The following MACROD2 variants were observed in gnomAD, a reference collection of about 807,000 sequenced individuals.
MACROD2 encodes the protein mono-ADP ribosylhydrolase 2.
Under a neutral mutation model 70.4 loss-of-function variants are expected in MACROD2, and 36 were observed. That is an observed-to-expected ratio of 0.51 (90% confidence interval 0.39 to 0.68). The LOEUF is 0.68. Ranked by LOEUF, MACROD2 falls within the 30% of genes least tolerant of loss-of-function variation. The pLI is 0.00. For missense variants in MACROD2, 496 were observed against 538.4 expected, an observed-to-expected ratio of 0.92 and a Z score of 0.78; for synonymous variants, 172 against 178.8, an observed-to-expected ratio of 0.96 and a Z score of 0.30.
intron 8 of MACROD2, among the ~76,000 whole-genome samples, chr20:15,712,457 C>A (rs1405548671): frequency 6.6e-6 from 1 of 152,190 alleles, no homozygotes; most frequent in Non-Finnish European, 1.5e-5. Flanking sequence ...TCCCCCACCA[C>A]TACTAATTTT....
intron 5 of MACROD2, among the ~76,000 whole-genome samples, chr20:14,891,232 A>C (rs1290717926): frequency 6.6e-6 from 1 of 152,042 alleles, no homozygotes; most frequent in Non-Finnish European, 1.5e-5. Flanking sequence ...ACTGGCATGA[A>C]TTTTAATTAT....
chr20:15,099,188 A>G (rs1332526162), intron 5 of MACROD2, among the ~76,000 whole-genome samples: 1 of 152,188 alleles, frequency 6.6e-6, no homozygotes, highest in Admixed American at 6.5e-5. Context: ...TTAGTTAACA[A>G]AGGTATATAC....
intron 4 of MACROD2, among the ~76,000 whole-genome samples, chr20:14,510,930 A>G (rs1234920245): frequency 6.6e-6 from 1 of 152,124 alleles, no homozygotes; most frequent in Non-Finnish European, 1.5e-5. Flanking sequence ...AGGTGGATGC[A>G]GGGAGTGGGT....
chr20:15,947,812 T>G (rs187007017), intron 12 of MACROD2, among the ~76,000 whole-genome samples: 4 of 152,306 alleles, frequency 2.6e-5, no homozygotes, highest in Non-Finnish European at 5.9e-5. Flanking sequence ...AATTAGAGAC[T>G]TCACATGACT....
chr20:14,822,094 A>G (rs1362799351), intron 5 of MACROD2, among the ~76,000 whole-genome samples: 1 of 152,134 alleles, frequency 6.6e-6, no homozygotes. Flanking sequence ...TCTTGAAGGC[A>G]TGAGTACCAT....
intron 6 of MACROD2, among the ~76,000 whole-genome samples, chr20:15,308,734 T>A (rs566768921): frequency 2.6e-5 from 4 of 152,258 alleles, no homozygotes; most frequent in South Asian, 2.1e-4. Flanking sequence ...ATTCAGCACT[T>A]CTTGGCTACA....
chr20:14,288,925 A>G (rs959184032), intron 3 of MACROD2, among the ~76,000 whole-genome samples: 3 of 152,092 alleles, frequency 2.0e-5, no homozygotes, highest in Admixed American at 6.5e-5. Flanking sequence ...AAGGAGAAAC[A>G]GACTTTACCT....
intron 5 of MACROD2, among the ~76,000 whole-genome samples, chr20:15,113,133 C>G (rs184487690): frequency 2.6e-4 from 39 of 152,260 alleles, no homozygotes; most frequent in African/African-American, 8.9e-4. Flanking sequence ...AGTATATGCC[C>G]AGAAGTGGAA....
intron 5 of MACROD2, among the ~76,000 whole-genome samples, chr20:14,938,293 G>A (rs1031749306): frequency 2.0e-5 from 3 of 151,934 alleles, no homozygotes; most frequent in Non-Finnish European, 4.4e-5. Flanking sequence ...TGGCTGTACC[G>A]ATTTACATTT....
At chr20:14,734,117 CAA>C (rs756845408) in intron 5 of MACROD2, among the ~76,000 whole-genome samples, 7 of 152,188 alleles carry the variant, frequency 4.6e-5, no homozygotes, top group Non-Finnish European at 1.0e-4. Flanking sequence ...TAAAAACCGT[CAA>C]AGAGTCTGAA....
chr20:14,590,826 A>G (rs920200226), intron 4 of MACROD2, among the ~76,000 whole-genome samples: 34 of 152,296 alleles, frequency 2.2e-4, no homozygotes, highest in African/African-American at 7.2e-4. Flanking sequence ...GCCTTGTGTG[A>G]TCCTAAAACA....
intron 4 of MACROD2, among the ~76,000 whole-genome samples, chr20:14,676,226 C>G (rs926677030): frequency 6.6e-6 from 1 of 152,154 alleles, no homozygotes; most frequent in Non-Finnish European, 1.5e-5. Flanking sequence ...ACTCTCCACT[C>G]CAAATCAACA....
intron 7 of MACROD2, among the ~76,000 whole-genome samples, chr20:15,469,169 A>C (rs2046933119): frequency 6.6e-6 from 1 of 152,222 alleles, no homozygotes; most frequent in Non-Finnish European, 1.5e-5. Flanking sequence ...CATGGTCCTG[A>C]TCCTATAAGA....
chr20:14,152,012 A>G (rs893755434), intron 3 of MACROD2, among the ~76,000 whole-genome samples: 2 of 151,006 alleles, frequency 1.3e-5, no homozygotes, highest in Non-Finnish European at 3.0e-5. Flanking sequence ...TAGTAGAGAC[A>G]GGGTTTCACT....
intron 2 of MACROD2, among the ~76,000 whole-genome samples, chr20:14,041,218 A>G (rs762555848): frequency 2.0e-5 from 3 of 152,230 alleles, no homozygotes; most frequent in Non-Finnish European, 4.4e-5. Context: ...AGGAATTTGT[A>G]TCTTGAAGTT....
intron 5 of MACROD2, among the ~76,000 whole-genome samples, chr20:14,912,705 C>A (rs78785376): frequency 1.5e-4 from 23 of 152,186 alleles, no homozygotes; most frequent in African/African-American, 5.1e-4. Flanking sequence ...AGGATTATGT[C>A]GTCTTCAAGA....
chr20:16,017,245 A>G (rs1416059554), intron 15 of MACROD2, among the ~76,000 whole-genome samples: 3 of 151,994 alleles, frequency 2.0e-5, no homozygotes, highest in South Asian at 2.1e-4. Flanking sequence ...ACTTACTACT[A>G]CTCCTTTCCC....
At chr20:14,265,579 A>C (rs527989096) in intron 3 of MACROD2, among the ~76,000 whole-genome samples, 16 of 152,204 alleles carry the variant, frequency 1.1e-4, no homozygotes, top group African/African-American at 3.9e-4. Context: ...TGACATTACA[A>C]TTAGAATTGG....
chr20:14,527,022 G>A (rs1044696296), intron 4 of MACROD2, among the ~76,000 whole-genome samples: 1 of 152,336 alleles, frequency 6.6e-6, no homozygotes, highest in East Asian at 1.9e-4. Context: ...TTGAGTGGAA[G>A]TAGCTTTCAG....
Sources: gnomAD v4.1 joint callset for allele counts (sites outside exome capture counted in the v4.1 genomes callset) on GRCh38, gnomAD v4.1.1 for gene constraint, MANE v1.5 for transcripts, NCBI Gene and HGNC (gene_info 2026-07-23, HGNC 2026-07-21) for gene names.